Variants in CNTNAP4 observed in about 807,000 individuals in gnomAD.
CNTNAP4 encodes contactin associated protein family member 4.
Under a neutral mutation model 148.4 loss-of-function variants are expected in CNTNAP4, and 98 were observed. The ratio of observed to expected loss-of-function variants is 0.66; its 90% CI spans 0.56 to 0.78. CNTNAP4 has a LOEUF of 0.78. CNTNAP4 is among the 30% of genes least tolerant of loss of function. The pLI, the probability that CNTNAP4 is intolerant of heterozygous loss-of-function variation, is 0.00. For missense variants in CNTNAP4, 1,935 were observed against 1,565.6 expected, an observed-to-expected ratio of 1.24 and a Z score of -3.98; for synonymous variants, 730 against 565.1, an observed-to-expected ratio of 1.29 and a Z score of -4.14.
At chr16:76,347,623 A>G (rs895403874) in intron 2 of CNTNAP4, among the ~76,000 whole-genome samples, 1 of 152,150 alleles carries the variant, frequency 6.6e-6, no homozygotes, top group African/African-American at 2.4e-5. Flanking sequence ...AGCCTCTAAG[A>G]CAGGGTAATA....
At chr16:76,451,599 A>ATGTGTGTGTGTG (rs71134761) in intron 7 of CNTNAP4, among the ~76,000 whole-genome samples, 28,004 of 141,100 alleles carry the variant, frequency 0.2, 3,208 homozygotes, top group South Asian at 0.28. Context: ...TTTTAGATAG[A>ATGTGTGTGTGTG]TGTGTGTGTG....
intron 4 of CNTNAP4, among the ~76,000 whole-genome samples, chr16:76,428,415 C>G (rs970267409): frequency 5.5e-5 from 7 of 127,916 alleles, no homozygotes; most frequent in African/African-American, 1.8e-4. Flanking sequence ...CAATTCACGA[C>G]ATCGTTTTTT....
intron 13 of CNTNAP4, among the ~76,000 whole-genome samples, chr16:76,493,729 G>T (rs1203186094): frequency 2.6e-5 from 4 of 151,986 alleles, no homozygotes; most frequent in Non-Finnish European, 4.4e-5. Context: ...ATTAAAAAAA[G>T]ACGAAGATTC....
chr16:76,384,203 C>A (rs2016286555), intron 3 of CNTNAP4, among the ~76,000 whole-genome samples: 1 of 151,948 alleles, frequency 6.6e-6, no homozygotes, highest in Non-Finnish European at 1.5e-5. Context: ...ACCACCATGC[C>A]TGGCTAATTT....
At chr16:76,290,390 A>G (rs544062798) in intron 1 of CNTNAP4, among the ~76,000 whole-genome samples, 1 of 152,134 alleles carries the variant, frequency 6.6e-6, no homozygotes, top group Non-Finnish European at 1.5e-5. Context: ...CATATACCAC[A>G]TATGCTCATT....
chr16:76,354,718 T>A (rs1253242331), intron 2 of CNTNAP4, among the ~76,000 whole-genome samples: 3 of 152,174 alleles, frequency 2.0e-5, no homozygotes, highest in African/African-American at 7.2e-5. Flanking sequence ...GATAGAGTTG[T>A]GTTATTTTCT....
chr16:76,464,958 C>T (rs1190364934), intron 9 of CNTNAP4, among the ~76,000 whole-genome samples: 2 of 152,062 alleles, frequency 1.3e-5, no homozygotes, highest in Non-Finnish European at 2.9e-5. Context: ...CTGTACATTC[C>T]CCTATGGAAT....
rs998332573 is a variant in CNTNAP4, at chr16:76,452,455, C to T, written c.1072-53C>T. ...GAAAAGCAGCCTTCAAATTCTGTTA[C>T]TAATGTGATGTGAATAACATTCTGA... On this transcript the variant is annotated intron_variant, in intron 7 of 23. Coordinates refer to ENST00000611870, the MANE Select transcript of CNTNAP4 (RefSeq NM_033401.5). 1.7e-5 allele frequency: 27 copies of T among 1,569,250 alleles called. No individual in the cohort carries two copies. The South Asian group carries it at 2.8e-4, about 16-fold the overall frequency.
Position 76,449,706 on chromosome 16 carries a change from C to G in CNTNAP4, c.928-9C>G, listed in dbSNP as rs376251104. 3.5e-5 allele frequency: 54 copies of G among 1,545,864 alleles called. No homozygotes were observed. In the African/African-American group the frequency reaches 6.4e-4, roughly 18 times the overall value. On this transcript the variant is annotated splice_polypyrimidine_tract_variant and intron_variant, in intron 6 of 23. Transcript: ENST00000611870. ...AAACAATATTATTGATGCCATTTTT[C>G]TTTCTAAGATCAGCTTTGGAGGGAT...
intron 23 of CNTNAP4, among the ~76,000 whole-genome samples, chr16:76,554,470 G>C (rs1419889044): frequency 6.6e-6 from 1 of 152,098 alleles, no homozygotes; most frequent in Non-Finnish European, 1.5e-5. Context: ...AAAGTGATTA[G>C]TAGTAACTTT....
chr16:76,469,098 C>T (rs1478314564), intron 10 of CNTNAP4, among the ~76,000 whole-genome samples: 1 of 152,132 alleles, frequency 6.6e-6, no homozygotes, highest in Non-Finnish European at 1.5e-5. Flanking sequence ...ATTTTGAACA[C>T]TAATAAATAC....
In CNTNAP4 at chr16:76,447,900, A is replaced by G. The variant is rs141195819; in HGVS notation, c.539-112A>G. The stretch of plus-strand genomic sequence containing the variant: ...ATCATTAGTTGAGGAGCATCTGTAT[A>G]TGCATGTGTATGAGTACGTATACTG... On this transcript the variant is annotated intron_variant, in intron 4 of 23. Coordinates refer to ENST00000611870, the MANE Select transcript of CNTNAP4 (RefSeq NM_033401.5). 6.5e-4 allele frequency: 448 copies of G among 691,662 alleles called. 4 individuals are homozygous for G. The East Asian group carries it at 9.1e-3, about 14-fold the overall frequency. 42.8% of individuals were successfully genotyped at this position (691,662 alleles called of 1,614,324 possible).
chr16:76,330,644 A>C (rs1214780163), intron 2 of CNTNAP4, among the ~76,000 whole-genome samples: 3 of 152,244 alleles, frequency 2.0e-5, no homozygotes, highest in Non-Finnish European at 2.9e-5. Flanking sequence ...ATTCACTAAC[A>C]GTATAGTTTC....
intron 10 of CNTNAP4, chr16:76,469,655 C>G (rs1487750169): frequency 6.6e-6 from 1 of 152,228 alleles, no homozygotes. Flanking sequence ...TCTGAAGGTA[C>G]ATACTTTCTG....
chr16:76,438,770 T>C (rs1293192607), intron 4 of CNTNAP4, among the ~76,000 whole-genome samples: 1 of 152,086 alleles, frequency 6.6e-6, no homozygotes, highest in Non-Finnish European at 1.5e-5. Context: ...TGGCCGCTGC[T>C]GACACATAGG....
intron 1 of CNTNAP4, among the ~76,000 whole-genome samples, chr16:76,296,119 A>G (rs1261815232): frequency 6.6e-6 from 1 of 152,244 alleles, no homozygotes; most frequent in African/African-American, 2.4e-5. Context: ...GGAATATGCC[A>G]TGGTAATGTA....
chr16:76,520,291 A>G (rs1170062171), intron 15 of CNTNAP4, among the ~76,000 whole-genome samples: 1 of 152,174 alleles, frequency 6.6e-6, no homozygotes, highest in African/African-American at 2.4e-5. Flanking sequence ...AGTTTTTGCT[A>G]TATATGGTTC....
At chr16:76,449,234 A>G (rs2080364529) in intron 6 of CNTNAP4, among the ~76,000 whole-genome samples, 1 of 152,200 alleles carries the variant, frequency 6.6e-6, no homozygotes, top group Non-Finnish European at 1.5e-5. Flanking sequence ...CTGCACCAAA[A>G]AAATCTTATT....
intron 1 of CNTNAP4, among the ~76,000 whole-genome samples, chr16:76,315,060 C>G (rs1346557491): frequency 6.6e-6 from 1 of 151,226 alleles, no homozygotes; most frequent in East Asian, 1.9e-4. Flanking sequence ...TTCTAAGATT[C>G]AACTATTTTG....
Sources: allele counts gnomAD v4.1 joint callset (sites outside exome capture counted in the v4.1 genomes callset), GRCh38; gene constraint gnomAD v4.1.1; transcripts MANE v1.5; gene names NCBI Gene and HGNC (gene_info 2026-07-23, HGNC 2026-07-21).